Variants in HPSE2 observed in about 807,000 individuals in gnomAD.
HPSE2 encodes the protein heparanase 2 (inactive).
A neutral mutation model predicts 60.5 loss-of-function variants in HPSE2; 38 were observed. That is an observed-to-expected ratio of 0.63 (90% CI 0.48 to 0.82). The LOEUF (loss-of-function observed/expected upper bound fraction) is 0.82, where lower values mean the gene tolerates loss of function less well. Among genes scored for constraint, HPSE2 ranks in the 40% least tolerant of loss-of-function variants. HPSE2 has a pLI of 0.00. For missense variants in HPSE2, 713 were observed against 740.4 expected, an observed-to-expected ratio of 0.96 and a Z score of 0.43; for synonymous variants, 295 against 293.2, an observed-to-expected ratio of 1.01 and a Z score of -0.06.
chr10:98,886,395 C>T (rs2134906404), intron 3 of HPSE2, among the ~76,000 whole-genome samples: 1 of 152,122 alleles, frequency 6.6e-6, no homozygotes, highest in South Asian at 2.1e-4. Context: ...TCACATATGC[C>T]AAAGTTCACA....
At chr10:98,918,295 G>C (rs1298927905) in intron 3 of HPSE2, among the ~76,000 whole-genome samples, 1 of 152,076 alleles carries the variant, frequency 6.6e-6, no homozygotes, top group African/African-American at 2.4e-5. Context: ...TCTAGAACTA[G>C]AAATACCATT....
rs542484127 is a variant in HPSE2 at position 99,113,622 on chromosome 10, T to C, written c.610+30616A>G. On this transcript the variant is annotated intron_variant, in intron 3 of 11. Transcript: ENST00000370552. ...ACTTTGATAATGGTTCAAAAACCAT[T>C]TTGCTCCATTTAAAGAACAGTATTA... is the stretch of plus-strand genomic sequence containing the variant. 3.3e-5 allele frequency among the ~76,000 whole-genome samples: 5 copies of C among 152,286 alleles called. No homozygotes were observed. The South Asian group carries it at 1.0e-3, about 32-fold the overall frequency.
At chr10:98,763,402 A>G (rs1178102360) in intron 3 of HPSE2, among the ~76,000 whole-genome samples, 2 of 152,102 alleles carry the variant, frequency 1.3e-5, no homozygotes, top group Non-Finnish European at 2.9e-5. Flanking sequence ...ACATACCCAG[A>G]CACATAATCA....
chr10:98,943,181 T>C (rs901130015), intron 3 of HPSE2, among the ~76,000 whole-genome samples: 5 of 151,578 alleles, frequency 3.3e-5, no homozygotes, highest in East Asian at 1.9e-4. Flanking sequence ...TGTATACATA[T>C]GTAACTAACG....
intron 3 of HPSE2, among the ~76,000 whole-genome samples, chr10:98,968,389 T>G (rs370755984): frequency 7.9e-5 from 12 of 152,316 alleles, no homozygotes; most frequent in African/African-American, 2.6e-4. Context: ...GGGAACATTT[T>G]TAACTGCTGG....
At chr10:98,773,581 G>A (rs891506793) in intron 3 of HPSE2, among the ~76,000 whole-genome samples, 3 of 152,120 alleles carry the variant, frequency 2.0e-5, no homozygotes, top group South Asian at 2.1e-4. Context: ...CTTTAAAAAC[G>A]TATATATGCT....
At chr10:98,601,656 C>T (rs976015730) in intron 9 of HPSE2, among the ~76,000 whole-genome samples, 19 of 152,346 alleles carry the variant, frequency 1.2e-4, no homozygotes, top group Admixed American at 2.0e-4. Flanking sequence ...TTGCCCACCC[C>T]TGCGGGGAGG....
chr10:99,008,595 C>T (rs1653369309), intron 3 of HPSE2, among the ~76,000 whole-genome samples: 2 of 152,182 alleles, frequency 1.3e-5, no homozygotes, highest in Non-Finnish European at 2.9e-5. Flanking sequence ...AATAAAGAAA[C>T]TGAACAATTC....
chr10:98,752,971 T>C (rs938433935), intron 3 of HPSE2, among the ~76,000 whole-genome samples: 2 of 152,214 alleles, frequency 1.3e-5, no homozygotes. Context: ...ATTTTACTCA[T>C]ATGTGGAATC....
At position 99,232,632 on chromosome 10, in the gene HPSE2, C is replaced by T. The variant is rs1193619213; in HGVS notation, c.291-127G>A. ...CCGGGGCTAGAGGCTCTGTGCCTGC[C>T]CCAGCCGGCAGTCCACGCTGGCCCT... On this transcript the variant is annotated intron_variant, in intron 1 of 11. Transcript: ENST00000370552. The T allele has an allele frequency of 2.8e-6, 3 of 1,090,076 alleles. No individual in the cohort carries two copies. In the Admixed American group the frequency reaches 6.2e-5, roughly 23 times the overall value. 67.5% of individuals were successfully genotyped at this position (1,090,076 alleles called of 1,614,324 possible).
At chr10:98,859,768 T>G (rs1952409386) in intron 3 of HPSE2, among the ~76,000 whole-genome samples, 1 of 152,160 alleles carries the variant, frequency 6.6e-6, no homozygotes, top group African/African-American at 2.4e-5. Flanking sequence ...CTTCTCAGTC[T>G]CCATAATCAC....
chr10:99,188,346 T>A (rs1465654554), intron 2 of HPSE2, among the ~76,000 whole-genome samples: 1 of 152,166 alleles, frequency 6.6e-6, no homozygotes, highest in Non-Finnish European at 1.5e-5. Flanking sequence ...TATATCAGTA[T>A]GGTAGTAGCT....
the HPSE2 span, among the ~76,000 whole-genome samples, chr10:99,298,937 T>C: frequency 6.6e-6 from 1 of 152,218 alleles, no homozygotes. Context: ...CCTCCCAAAG[T>C]GCTGGGATAA....
intron 3 of HPSE2, among the ~76,000 whole-genome samples, chr10:99,123,938 C>T (rs901690117): frequency 6.6e-6 from 1 of 152,148 alleles, no homozygotes; most frequent in Non-Finnish European, 1.5e-5. Context: ...TATCTGCAGA[C>T]AAGTCATCCT....
chr10:99,034,325 T>C (rs1216256795), intron 3 of HPSE2, among the ~76,000 whole-genome samples: 1 of 152,108 alleles, frequency 6.6e-6, no homozygotes, highest in Non-Finnish European at 1.5e-5. Context: ...AAAAAACAGA[T>C]CTGTGGCTGC....
At chr10:98,779,774 C>A (rs1310913363) in intron 3 of HPSE2, among the ~76,000 whole-genome samples, 1 of 152,050 alleles carries the variant, frequency 6.6e-6, no homozygotes, top group Admixed American at 6.6e-5. Context: ...ATGAATAAGA[C>A]AGTCCCTAAT....
At chr10:99,028,486 GTCA>G (rs1469865524) in intron 3 of HPSE2, among the ~76,000 whole-genome samples, 25 of 152,000 alleles carry the variant, frequency 1.6e-4, no homozygotes, top group Admixed American at 1.5e-3. Context: ...AATTGAAGAG[GTCA>G]TCAAAGAATG....
the HPSE2 span, among the ~76,000 whole-genome samples, chr10:99,289,353 CT>C: frequency 2.7e-5 from 1 of 36,600 alleles, no homozygotes; most frequent in Non-Finnish European, 5.3e-5. Context: ...GAGACATCAT[CT>C]GTTTTTTTTT....
chr10:99,227,863 GTA>G (rs200037982), intron 2 of HPSE2, among the ~76,000 whole-genome samples: 15 of 139,866 alleles, frequency 1.1e-4, no homozygotes, highest in African/African-American at 2.2e-4. Flanking sequence ...AGTTGAATGT[GTA>G]TATATGTGTG....
Sources: allele counts gnomAD v4.1 joint callset (sites outside exome capture counted in the v4.1 genomes callset), GRCh38; gene constraint gnomAD v4.1.1; transcripts MANE v1.5; gene names NCBI Gene and HGNC (gene_info 2026-07-23, HGNC 2026-07-21).